SLC35H1: variants seen among roughly 807,000 people sequenced by gnomAD.
SLC35H1 encodes ovarian cancer-overexpressed gene 1 protein.
the SLC35H1 span, among the ~76,000 whole-genome samples, chr20:46,357,079 C>T: frequency 5.9e-3 from 905 of 152,306 alleles, 11 homozygotes; most frequent in African/African-American, 0.021. Context: ...TCCTGAAACA[C>T]TTTGAGTTCC....
the SLC35H1 span, among the ~76,000 whole-genome samples, chr20:46,357,040 T>C: frequency 6.6e-6 from 1 of 152,178 alleles, no homozygotes; most frequent in Non-Finnish European, 1.5e-5. Context: ...TTTTTCCCAC[T>C]TCCTCTGGCC....
At chr20:46,357,506 C>T in the SLC35H1 span, 1 of 1,233,122 alleles carries the variant, frequency 8.1e-7, no homozygotes, top group Non-Finnish European at 1.1e-6. Flanking sequence ...AGAGGAGGAA[C>T]AGTGCAGGAA....
the SLC35H1 span, chr20:46,355,935 A>G: frequency 7.1e-5 from 114 of 1,606,240 alleles, no homozygotes; most frequent in Non-Finnish European, 8.7e-5. The surrounding 1 kb of genome is among the most constrained non-coding windows in gnomAD (Gnocchi z 4.8). Context: ...CATCACCGAG[A>G]AAGGAGCAGG....
At chr20:46,356,271 G>A in the SLC35H1 span, among the ~76,000 whole-genome samples, 3 of 152,224 alleles carry the variant, frequency 2.0e-5, no homozygotes, top group Non-Finnish European at 4.4e-5. Context: ...CCACCCACCA[G>A]TGGCCACCTG....
chr20:46,356,615 C>G, the SLC35H1 span: 1 of 1,614,080 alleles, frequency 6.2e-7, no homozygotes, highest in Non-Finnish European at 8.5e-7. Flanking sequence ...TGGACAAGCC[C>G]ACGTCAAGCG....
chr20:46,356,539 C>T, the SLC35H1 span: 1 of 1,611,772 alleles, frequency 6.2e-7, no homozygotes, highest in Non-Finnish European at 8.5e-7. Context: ...CAGCTTCAGC[C>T]TGAAGGGAGG....
At chr20:46,352,509 T>C in the SLC35H1 span, 2 of 354,764 alleles carry the variant, frequency 5.6e-6, no homozygotes, top group Admixed American at 4.4e-5. Context: ...GATGGGACCC[T>C]AGCGGGATGA....
the SLC35H1 span, chr20:46,355,240 C>T: frequency 1.7e-5 from 28 of 1,612,570 alleles, no homozygotes; most frequent in Middle Eastern, 1.6e-4. This position sits in a 1 kb window ranked among gnomAD's most constrained non-coding sequence, Gnocchi z 4.8. Context: ...CAGTGCCGCG[C>T]GCTGGTAGGA....
chr20:46,358,679 C>T, the SLC35H1 span: 1 of 1,551,204 alleles, frequency 6.4e-7, no homozygotes. Context: ...GAGCCCCAGG[C>T]AGAGTCCTCA....
At chr20:46,352,556 T>C in the SLC35H1 span, 1 of 244,484 alleles carries the variant, frequency 4.1e-6, no homozygotes, top group African/African-American at 2.4e-5. Flanking sequence ...CCTAGCGGGA[T>C]GATGGGGATC....
chr20:46,364,402 C>T, the SLC35H1 span: 1 of 152,250 alleles, frequency 6.6e-6, no homozygotes, highest in Non-Finnish European at 1.5e-5. Flanking sequence ...CCGGAATCTC[C>T]CCACCGGAAG....
At chr20:46,362,714 G>A in the SLC35H1 span, among the ~76,000 whole-genome samples, 4 of 152,148 alleles carry the variant, frequency 2.6e-5, no homozygotes, top group African/African-American at 7.2e-5. Flanking sequence ...CATCTCCACT[G>A]CTCCAATGAG....
the SLC35H1 span, chr20:46,358,951 A>G: frequency 1.2e-4 from 74 of 605,778 alleles, 2 homozygotes; most frequent in South Asian, 1.3e-3. Flanking sequence ...AACTGCCACC[A>G]AAGTGACCTT....
chr20:46,359,758 C>T, the SLC35H1 span, among the ~76,000 whole-genome samples: 1 of 152,170 alleles, frequency 6.6e-6, no homozygotes, highest in South Asian at 2.1e-4. Context: ...CATCTGGGTG[C>T]CCCCCTCAAC....
the SLC35H1 span, chr20:46,358,783 G>A: frequency 7.4e-5 from 104 of 1,403,196 alleles, no homozygotes; most frequent in Non-Finnish European, 9.1e-5. Context: ...AAAAAGGGCC[G>A]CTCTGGAGCC....
the SLC35H1 span, chr20:46,352,406 C>T: frequency 1.6e-6 from 1 of 609,446 alleles, no homozygotes; most frequent in Non-Finnish European, 2.8e-6. Context: ...TGGCCTGAGA[C>T]CTGGGGAAAC....
At chr20:46,354,432 A>C in the SLC35H1 span, among the ~76,000 whole-genome samples, 18 of 152,214 alleles carry the variant, frequency 1.2e-4, no homozygotes, top group African/African-American at 3.9e-4. Context: ...CATTCCTTAG[A>C]GGCAAGATAG....
At chr20:46,363,181 C>T in the SLC35H1 span, 1 of 152,248 alleles carries the variant, frequency 6.6e-6, no homozygotes, top group Non-Finnish European at 1.5e-5. Context: ...TTTCTGGACT[C>T]CTTATTGGTC....
At chr20:46,362,034 T>C in the SLC35H1 span, among the ~76,000 whole-genome samples, 19 of 152,222 alleles carry the variant, frequency 1.2e-4, no homozygotes, top group African/African-American at 4.3e-4. Flanking sequence ...TAAGTCCCTA[T>C]GGCTACCCCG....
Sources: allele counts gnomAD v4.1 joint callset (sites outside exome capture counted in the v4.1 genomes callset), GRCh38; gene constraint gnomAD v4.1.1; non-coding constraint Gnocchi (gnomAD v3.1); transcripts MANE v1.5; gene names NCBI Gene and HGNC (gene_info 2026-07-23, HGNC 2026-07-21).